The following ATP1A4 variants were observed in gnomAD, a reference collection of about 807,000 sequenced individuals.
The protein encoded by ATP1A4 is sodium/potassium-transporting ATPase subunit alpha-4.
A neutral mutation model predicts 114.3 loss-of-function variants in ATP1A4; 90 were observed. That is an observed-to-expected ratio of 0.79 (90% CI 0.66 to 0.94). The LOEUF (loss-of-function observed/expected upper bound fraction) is 0.94, where lower values mean the gene tolerates loss of function less well. Ranked by LOEUF, ATP1A4 falls within the 40% of genes least tolerant of loss-of-function variation. The pLI is 0.00. For synonymous variants in ATP1A4, 511 were observed against 494.1 expected (o/e 1.03, Z -0.45); for missense variants, 1,222 against 1,313.6 (o/e 0.93, Z 1.08).
intron 14 of ATP1A4, 39 bp downstream of exon 14, chr1:160,174,300 C>T: frequency 6.2e-7 from 1 of 1,613,432 alleles, no homozygotes; most frequent in Non-Finnish European, 8.5e-7. Context: ...ACTGGCAGAA[C>T]TCCTGTGGCT....
chr1:160,157,584 T>C (rs989565776), intron 4 of ATP1A4, among the ~76,000 whole-genome samples: 1 of 152,198 alleles, frequency 6.6e-6, no homozygotes, highest in South Asian at 2.1e-4. Context: ...AATGTGAAAC[T>C]TACTGAAATT....
intron 4 of ATP1A4, among the ~76,000 whole-genome samples, chr1:160,157,315 G>T (rs1004757618): frequency 6.6e-6 from 1 of 152,178 alleles, no homozygotes; most frequent in Non-Finnish European, 1.5e-5. Flanking sequence ...TGATAGGTAG[G>T]TTTTCTGTCC....
At chr1:160,154,579 T>G (rs12730071) in intron 2 of ATP1A4, among the ~76,000 whole-genome samples, 18,361 of 152,212 alleles carry the variant, frequency 0.12, 1,686 homozygotes, top group African/African-American at 0.25. Context: ...AGTTGCCCTA[T>G]TGTGCTACCA....
chr1:160,152,306 G>A, intron 1 of ATP1A4, 119 bp downstream of exon 1: 3 of 1,173,684 alleles, frequency 2.6e-6, no homozygotes, highest in East Asian at 2.6e-5. Context: ...TTCTCTGTTA[G>A]GCTTTGGAGG....
At chr1:160,167,511 A>C (rs1653084728) in intron 10 of ATP1A4, 99 bp downstream of exon 10, 1 of 1,482,500 alleles carries the variant, frequency 6.7e-7, no homozygotes, top group African/African-American at 1.4e-5. Context: ...ACCTCGGAGA[A>C]GCAGAGGAGC....
chr1:160,174,202 G>A lies in ATP1A4; in HGVS notation c.2083G>A (p.Val695Met), dbSNP rs775399497. The A allele has an allele frequency of 3.5e-5, 57 of 1,614,170 alleles. 1 individual carries two copies. The East Asian group carries it at 6.9e-4, about 20-fold the overall frequency. ...DQILQNHPEIVFARTSPQQKL... is the reference protein window; with the variant it reads ...DQILQNHPEIMFARTSPQQKL... ...GATCCTCCAGAACCACCCTGAGATC[G>A]TGTTTGCTCGGACCTCCCCTCAGCA... is the stretch of plus-strand genomic sequence containing the variant. The change falls in exon 14 of 22, where the codon GTG (valine) becomes ATG (methionine). Residue 695 changes from valine to methionine, a missense_variant. Val to Met is a conservative substitution (Grantham distance 21). Coordinates refer to ENST00000368081, the MANE Select transcript of ATP1A4 (RefSeq NM_144699.4).
In ATP1A4 at chr1:160,177,501, C is replaced by T; in HGVS notation, c.2591-18C>T. 6.2e-7 allele frequency: 1 copy of T among 1,613,166 alleles called. No individual in the cohort carries two copies. Among genetic ancestry groups the T allele is most frequent in the Non-Finnish European group, 8.5e-7 (1 of 1,179,698 alleles). On this transcript the variant is annotated intron_variant, in intron 17 of 21. Coordinates refer to ENST00000368081, the MANE Select transcript of ATP1A4 (RefSeq NM_144699.4). Reference sequence around the variant, plus strand: ...CTCTGAACCAGGCTCCCCTGTCCTGCAACTCTGTCATTCACAGGGATGATC... The same window carrying T: ...CTCTGAACCAGGCTCCCCTGTCCTGTAACTCTGTCATTCACAGGGATGATC...
Position 160,155,152 on chromosome 1 carries a change from C to G in ATP1A4, c.315C>G (p.Phe105Leu), listed in dbSNP as rs140019547. 3 of 1,605,162 alleles carry G rather than the reference C, an allele frequency of 1.9e-6. No individual in the cohort carries two copies. Among genetic ancestry groups the G allele is most frequent in the Non-Finnish European group, 2.6e-6 (3 of 1,173,816 alleles). ...GGGTCAAATTCTGTAAGCAACTGTT[C>G]GGAGGCTTCTCCCTCCTACTATGGA... is the stretch of plus-strand genomic sequence containing the variant. ...PEWVKFCKQL[F>L]GGFSLLLWTG... is the part of the protein sequence containing the mutation. Residue 105 changes from phenylalanine (F) to leucine (L), a missense_variant, in exon 3 of 22, where the codon TTC (phenylalanine) becomes TTG (leucine). Phe to Leu is a conservative substitution (Grantham distance 22). Transcript: ENST00000368081.
intron 1 of ATP1A4, among the ~76,000 whole-genome samples, chr1:160,152,707 C>T (rs952105913): frequency 6.6e-6 from 1 of 152,100 alleles, no homozygotes; most frequent in Non-Finnish European, 1.5e-5. Context: ...CCCGAACCCC[C>T]GTGAAATGTT....
Position 160,152,022 on chromosome 1 carries a change from GCT to G in ATP1A4, c.-16_-15del, listed in dbSNP as rs1558014850. ...TTCTTCCCACAGTTGAGCTCGGGCA[GCT>G]CTTTCTGGGGATAGCTATGGGGCTT... On this transcript the variant is annotated 5_prime_UTR_variant, in exon 1 of 22. Transcript: ENST00000368081. The G allele has an allele frequency of 1.9e-6, 3 of 1,605,488 alleles. No individual in the cohort carries two copies. In the African/African-American group the frequency reaches 4.0e-5, roughly 22 times the overall value.
chr1:160,179,476 G>A (rs1195756379), intron 18 of ATP1A4, among the ~76,000 whole-genome samples: 1 of 152,246 alleles, frequency 6.6e-6, no homozygotes, highest in Non-Finnish European at 1.5e-5. Context: ...TCACAAAAAT[G>A]TGTTGAGAAC....
In ATP1A4 at chr1:160,171,610, C is replaced by A. The variant is rs1175685050; in HGVS notation, c.1707C>A (p.Ser569Arg). 1.2e-5 allele frequency: 20 copies of A among 1,614,058 alleles called. No individual in the cohort carries two copies. Among genetic ancestry groups the A allele is most frequent in the Non-Finnish European group, 1.7e-5 (20 of 1,179,960 alleles). Residue 569 changes from serine (S) to arginine (R), a missense_variant, in exon 12 of 22, where the codon AGC (serine) becomes AGA (arginine). Ser to Arg is a moderately radical substitution (Grantham distance 110). Transcript: ENST00000368081. ...VLGFCFLNLP[S>R]SFSKGFPFNT... ...GCTTCTGCTTCTTGAATCTGCCTAG[C>A]AGCTTCTCCAAGGGATTCCCATTTA...
At chr1:160,185,781 T>C (rs1319226449) in intron 20 of ATP1A4, among the ~76,000 whole-genome samples, 2 of 151,598 alleles carry the variant, frequency 1.3e-5, no homozygotes, top group African/African-American at 4.8e-5. Flanking sequence ...TAGCCGGGCA[T>C]GGTGGAAGGC....
intron 10 of ATP1A4, among the ~76,000 whole-genome samples, chr1:160,168,574 G>A (rs1164015237): frequency 6.6e-6 from 1 of 151,952 alleles, no homozygotes; most frequent in Non-Finnish European, 1.5e-5. Context: ...AGTAGAGACG[G>A]GATTTTACCA....
intron 20 of ATP1A4, among the ~76,000 whole-genome samples, chr1:160,184,968 C>G (rs1004997580): frequency 1.3e-5 from 2 of 152,240 alleles, no homozygotes; most frequent in African/African-American, 4.8e-5. Context: ...CAGACAACCC[C>G]TCCCCTTTGT....
intron 4 of ATP1A4, 116 bp from the exon 5 acceptor site, chr1:160,158,886 T>G: frequency 8.9e-7 from 1 of 1,119,974 alleles, no homozygotes. Context: ...ATGTGGTGGG[T>G]GACAGTAAGA....
In ATP1A4 at chr1:160,174,266, G is replaced by A. The variant is rs1653371056; in HGVS notation, c.2142+5G>A. 1.2e-6 allele frequency: 2 copies of A among 1,614,080 alleles called. No individual in the cohort carries two copies. Among genetic ancestry groups the A allele is most frequent in the Non-Finnish European group, 1.7e-6 (2 of 1,180,024 alleles). On this transcript the variant is annotated splice_donor_5th_base_variant and intron_variant, in intron 14 of 21. Coordinates refer to ENST00000368081, the MANE Select transcript of ATP1A4 (RefSeq NM_144699.4). ...GTCGAGGGATGTCAGAGGCTGGTAA[G>A]GAACGAAAAGGAGCCCCAAGGAAAC...
chr1:160,166,611 C>T lies in ATP1A4; in HGVS notation c.1131C>T (p.Ser377=). 1 of 1,614,194 alleles carries T rather than the reference C, an allele frequency of 6.2e-7. No homozygotes were observed. Among genetic ancestry groups the T allele is most frequent in the South Asian group, 1.1e-5 (1 of 91,080 alleles). Residue 377 remains serine (S), a synonymous_variant, in exon 8 of 22, where the codon TCC becomes TCT. Transcript: ENST00000368081. ...TGGAGGCGGTGGAGACGCTGGGCTC[C>T]ACGTCCACCATCTGCTCAGACAAGA... The part of the protein sequence containing the change: ...KNLEAVETLG[S]TSTICSDKTG...
chr1:160,155,949 C>T, intron 3 of ATP1A4, 96 bp from the exon 4 acceptor site: 1 of 751,602 alleles, frequency 1.3e-6, no homozygotes, highest in Non-Finnish European at 2.4e-6. Context: ...GTCTCTTACA[C>T]CTGGTGAAAC....
Sources: gnomAD v4.1 joint callset for allele counts (sites outside exome capture counted in the v4.1 genomes callset) on GRCh38, gnomAD v4.1.1 for gene constraint, MANE v1.5 for transcripts, NCBI Gene and HGNC (gene_info 2026-07-23, HGNC 2026-07-21) for gene names.